CFAP299: variants seen among roughly 807,000 people sequenced by gnomAD.
The protein encoded by CFAP299 is cilia- and flagella-associated protein 299.
Under a neutral mutation model 27.0 loss-of-function variants are expected in CFAP299, and 21 were observed. That is an observed-to-expected ratio of 0.78 (90% confidence interval 0.55 to 1.12). The LOEUF is 1.12. Among genes scored for constraint, CFAP299 ranks in the 50% most tolerant of loss-of-function variants. CFAP299 has a pLI of 0.00. For missense variants in CFAP299, 310 were observed against 276.6 expected, an observed-to-expected ratio of 1.12 and a Z score of -0.86; for synonymous variants, 104 against 98.1, an observed-to-expected ratio of 1.06 and a Z score of -0.36.
At chr4:80,702,621 A>G (rs1260928442) in intron 3 of CFAP299, among the ~76,000 whole-genome samples, 1 of 151,946 alleles carries the variant, frequency 6.6e-6, no homozygotes, top group Non-Finnish European at 1.5e-5. Flanking sequence ...TTTATTGAAT[A>G]CTTTTTCCTG....
intron 5 of CFAP299, among the ~76,000 whole-genome samples, chr4:80,955,031 AAAAC>A (rs869168099): frequency 0.6 from 17,726 of 29,386 alleles, 6,094 homozygotes; most frequent in East Asian, 0.8. Flanking sequence ...AAAAAAAAAA[AAAAC>A]GCACACATGG....
chr4:80,890,242 CA>C (rs1400920384), intron 4 of CFAP299, among the ~76,000 whole-genome samples: 1 of 152,042 alleles, frequency 6.6e-6, no homozygotes, highest in Admixed American at 6.6e-5. Context: ...AAAGACTCCA[CA>C]AAAAGCTGTT....
At chr4:80,861,998 GA>G (rs1186287248) in intron 3 of CFAP299, among the ~76,000 whole-genome samples, 1 of 151,800 alleles carries the variant, frequency 6.6e-6, no homozygotes, top group African/African-American at 2.4e-5. Context: ...TCAATCCCTG[GA>G]CATCCTAGAA....
intron 3 of CFAP299, among the ~76,000 whole-genome samples, chr4:80,656,280 GT>G (rs1337293311): frequency 1.3e-5 from 2 of 152,022 alleles, no homozygotes; most frequent in Admixed American, 1.3e-4. Context: ...GAACATGCAG[GT>G]TTTTTACATA....
At chr4:80,779,966 C>T (rs1372996853) in intron 3 of CFAP299, among the ~76,000 whole-genome samples, 2 of 152,052 alleles carry the variant, frequency 1.3e-5, no homozygotes, top group Non-Finnish European at 2.9e-5. Flanking sequence ...GGAAACACCT[C>T]TGCTTGTATT....
At chr4:80,789,818 C>G (rs1180280517) in intron 3 of CFAP299, among the ~76,000 whole-genome samples, 1 of 151,988 alleles carries the variant, frequency 6.6e-6, no homozygotes, top group Non-Finnish European at 1.5e-5. Context: ...TTAATCTGCT[C>G]AGATATTTTA....
chr4:80,528,369 A>G (rs957079795), intron 2 of CFAP299, among the ~76,000 whole-genome samples: 4 of 151,988 alleles, frequency 2.6e-5, no homozygotes, highest in African/African-American at 2.4e-5. Context: ...GCTCTTACTG[A>G]TCATATTTAT....
chr4:80,954,227 C>T (rs985791572), intron 5 of CFAP299, among the ~76,000 whole-genome samples: 1 of 152,158 alleles, frequency 6.6e-6, no homozygotes, highest in African/African-American at 2.4e-5. Context: ...AGGTGCAAGA[C>T]CACAGTTGAG....
At chr4:80,873,628 C>T (rs760393796) in intron 4 of CFAP299, among the ~76,000 whole-genome samples, 1 of 152,176 alleles carries the variant, frequency 6.6e-6, no homozygotes, top group Admixed American at 6.5e-5. Context: ...AAGTGAAACA[C>T]TGATGAGACA....
intron 3 of CFAP299, among the ~76,000 whole-genome samples, chr4:80,805,570 G>A (rs1728822181): frequency 6.6e-6 from 1 of 152,164 alleles, no homozygotes; most frequent in Non-Finnish European, 1.5e-5. Context: ...TGGGCTGGGT[G>A]CAGTGGCTTA....
intron 1 of CFAP299, among the ~76,000 whole-genome samples, chr4:80,353,405 C>G (rs1173777794): frequency 1.3e-5 from 2 of 152,214 alleles, no homozygotes; most frequent in Non-Finnish European, 1.5e-5. Context: ...AGTAAATTTT[C>G]TGCACACAAA....
intron 3 of CFAP299, among the ~76,000 whole-genome samples, chr4:80,850,663 A>C (rs957357058): frequency 1.3e-5 from 2 of 152,098 alleles, no homozygotes; most frequent in Non-Finnish European, 2.9e-5. Flanking sequence ...AATAGTAAAA[A>C]GGTTGCACTT....
In CFAP299 at chr4:80,344,410, A is replaced by G. The variant is rs141984917; in HGVS notation, c.111+8531A>G. ...ATAGAAAATCTAGAAGAAATGTATAAATTTCTGGACAAATACACCCTCCCA... is the reference window on the plus strand; with the variant it reads ...ATAGAAAATCTAGAAGAAATGTATAGATTTCTGGACAAATACACCCTCCCA... On this transcript the variant is annotated intron_variant, in intron 1 of 5. Coordinates refer to ENST00000358105, the MANE Select transcript of CFAP299 (RefSeq NM_152770.3). 6.0e-3 allele frequency among the ~76,000 whole-genome samples: 906 copies of G among 152,258 alleles called. 6 individuals carry two copies. The highest frequency in any genetic ancestry group is 9.2e-3 in the Non-Finnish European group (623 of 68,022).
rs927959914 is a variant in CFAP299, at chr4:80,656,359, A to C, written c.333+73176A>C. On this transcript the variant is annotated intron_variant, in intron 3 of 5. Transcript: ENST00000358105. ...TCATCTACACTAGGTATTTCTCCTA[A>C]TGCTATCCCTCCCCTAGTGCCCCAG... is the stretch of plus-strand genomic sequence containing the variant. 5.2e-4 allele frequency among the ~76,000 whole-genome samples: 79 copies of C among 152,058 alleles called. 1 individual carries two copies. The highest frequency in any genetic ancestry group is 1.2e-4 in the Non-Finnish European group (8 of 68,018).
At chr4:80,714,416 C>T (rs1472923357) in intron 3 of CFAP299, among the ~76,000 whole-genome samples, 6 of 152,106 alleles carry the variant, frequency 3.9e-5, no homozygotes, top group African/African-American at 7.2e-5. Context: ...GGAGAAAATG[C>T]TCTGGGTAAA....
chr4:80,523,862 C>A (rs1352894186), intron 2 of CFAP299, among the ~76,000 whole-genome samples: 2 of 152,166 alleles, frequency 1.3e-5, no homozygotes, highest in South Asian at 4.1e-4. Context: ...TTCTGGAGAA[C>A]CCTGACTCTA....
intron 3 of CFAP299, among the ~76,000 whole-genome samples, chr4:80,627,585 A>T (rs1738975898): frequency 1.3e-5 from 2 of 152,038 alleles, no homozygotes; most frequent in Non-Finnish European, 2.9e-5. Context: ...CTATATACAG[A>T]AAATTCTAAA....
chr4:80,835,016 C>T (rs1730487702), intron 3 of CFAP299, among the ~76,000 whole-genome samples: 1 of 152,148 alleles, frequency 6.6e-6, no homozygotes, highest in Non-Finnish European at 1.5e-5. Flanking sequence ...TTCCCACTTA[C>T]TCTTTACTTT....
intron 3 of CFAP299, among the ~76,000 whole-genome samples, chr4:80,840,900 A>C (rs1730826572): frequency 6.6e-6 from 1 of 152,104 alleles, no homozygotes; most frequent in Admixed American, 6.6e-5. Context: ...AAATTTAGTC[A>C]CAAAGAGCTT....
Sources: allele counts gnomAD v4.1 joint callset (sites outside exome capture counted in the v4.1 genomes callset), GRCh38; gene constraint gnomAD v4.1.1; transcripts MANE v1.5; gene names NCBI Gene and HGNC (gene_info 2026-07-23, HGNC 2026-07-21).